PGBD5: variants seen among roughly 807,000 people sequenced by gnomAD.
The protein encoded by PGBD5 is piggyBac transposable element derived 5, also known as piggyBac transposable element-derived protein 5.
In PGBD5, 14 loss-of-function variants were observed where a neutral mutation model predicts 47.9. That is an observed-to-expected ratio of 0.29 (90% CI 0.19 to 0.46). The LOEUF (loss-of-function observed/expected upper bound fraction) is 0.46. PGBD5 is among the 20% of genes least tolerant of loss of function. The pLI, the probability that PGBD5 is intolerant of heterozygous loss-of-function variation, is 1.00. For missense variants in PGBD5, 635 were observed against 716.0 expected, an observed-to-expected ratio of 0.89 and a Z score of 1.29; for synonymous variants, 316 against 306.3, an observed-to-expected ratio of 1.03 and a Z score of -0.33.
chr1:230,416,752 A>G (rs780260025), intron 1 of PGBD5, among the ~76,000 whole-genome samples: 3 of 152,234 alleles, frequency 2.0e-5, no homozygotes, highest in African/African-American at 4.8e-5. Context: ...GGCCATGCTA[A>G]GGAATCTGGA....
intron 6 of PGBD5, among the ~76,000 whole-genome samples, chr1:230,324,413 T>C (rs1229992684): frequency 2.0e-5 from 3 of 152,164 alleles, no homozygotes; most frequent in Admixed American, 6.5e-5. Context: ...AACAACCTCA[T>C]GGAATTTAGT....
chr1:230,404,925 CA>C (rs57462323), intron 1 of PGBD5, among the ~76,000 whole-genome samples: 797 of 66,172 alleles, frequency 0.012, 8 homozygotes, highest in East Asian at 0.095. Context: ...AACTCCATCT[CA>C]AAAAAAAAAA....
At chr1:230,358,189 C>A (rs1013373060) in intron 1 of PGBD5, among the ~76,000 whole-genome samples, 2 of 152,156 alleles carry the variant, frequency 1.3e-5, no homozygotes, top group Non-Finnish European at 2.9e-5. Context: ...CCTCCCTCCC[C>A]TGCAGACCCC....
intron 1 of PGBD5, among the ~76,000 whole-genome samples, chr1:230,359,048 C>T (rs1295344111): frequency 6.6e-6 from 1 of 151,998 alleles, no homozygotes; most frequent in Non-Finnish European, 1.5e-5. Flanking sequence ...GCTTCTATTG[C>T]ATCTGTATAT....
rs199545872 is a variant in PGBD5, at chr1:230,375,652, C to CTTTT, written c.332-18335_332-18332dup. ...AAGGTCATCTGAGCTTCCTATTTGA[C>CTTTT]TTTTTTTTTTTTTTTTTTTTTTTTT... On this transcript the variant is annotated intron_variant, in intron 1 of 6. Coordinates refer to ENST00000391860, the MANE Select transcript of PGBD5 (RefSeq NM_001258311.2). Among the ~76,000 whole-genome samples, 26 of 105,656 alleles carry CTTTT rather than the reference C, an allele frequency of 2.5e-4. 1 individual carries two copies. The highest frequency in any genetic ancestry group is 7.6e-4 in the African/African-American group (17 of 22,396). 69.3% of individuals were successfully genotyped at this position (105,656 alleles called of 152,430 possible).
rs569976855 is a variant in PGBD5, at chr1:230,315,947, T to C, written c.*7478A>G. ...ATGTGTACACATATATGTATGTGTA[T>C]ACATACATAAGTATATGTGTACACA... On this transcript the variant is annotated 3_prime_UTR_variant, in exon 7 of 7. Transcript: ENST00000391860. 2.2e-3 allele frequency: 272 copies of C among 122,120 alleles called. 36 individuals carry two copies. The highest frequency in any genetic ancestry group is 7.5e-3 in the African/African-American group (247 of 32,928). 7.6% of individuals were successfully genotyped at this position (122,120 alleles called of 1,614,324 possible). A position where few individuals can be genotyped will look rare whatever the true frequency, so the allele number is the denominator to read the frequency against.
At chr1:230,380,693 G>A (rs1656442540) in intron 1 of PGBD5, among the ~76,000 whole-genome samples, 3 of 152,044 alleles carry the variant, frequency 2.0e-5, no homozygotes, top group South Asian at 4.1e-4. Context: ...ACCTGGTGAA[G>A]AGGGAAGCTA....
chr1:230,344,271 G>A (rs1667446623), intron 3 of PGBD5, among the ~76,000 whole-genome samples: 1 of 151,912 alleles, frequency 6.6e-6, no homozygotes, highest in Admixed American at 6.6e-5. Context: ...GGCAACAGAG[G>A]GAGACTCCGT....
chr1:230,336,486 A>C (rs887165840), intron 4 of PGBD5, among the ~76,000 whole-genome samples: 1 of 152,122 alleles, frequency 6.6e-6, no homozygotes, highest in Non-Finnish European at 1.5e-5. Flanking sequence ...AGTGGACCAG[A>C]TCTAAATCCC....
At chr1:230,350,708 G>A (rs1176940842) in intron 3 of PGBD5, among the ~76,000 whole-genome samples, 1 of 152,224 alleles carries the variant, frequency 6.6e-6, no homozygotes, top group Non-Finnish European at 1.5e-5. Flanking sequence ...AGATGGGCTT[G>A]AGTCTGGAGG....
chr1:230,327,219 T>C (rs1467718451), intron 5 of PGBD5, among the ~76,000 whole-genome samples: 2 of 152,064 alleles, frequency 1.3e-5, no homozygotes, highest in African/African-American at 4.8e-5. Context: ...TTTCTGTATT[T>C]TTTTTTTTAA....
intron 5 of PGBD5, among the ~76,000 whole-genome samples, chr1:230,326,529 G>C (rs1164104893): frequency 1.3e-5 from 2 of 152,168 alleles, no homozygotes; most frequent in Non-Finnish European, 1.5e-5. Flanking sequence ...CATGATCATA[G>C]CTCACTGCAG....
At chr1:230,396,243 TCCCTTTTACCCCCACACTCC>T (rs770640456) in intron 1 of PGBD5, among the ~76,000 whole-genome samples, 1,231 of 15,206 alleles carry the variant, frequency 0.081, 40 homozygotes, top group East Asian at 0.33. Context: ...CCCACACTCC[TCCCTTTTACCCCCACACTCC>T]TCCTTTTTAC....
At position 230,356,881 on chromosome 1, in the gene PGBD5, G is replaced by A. The variant is rs1667655241; in HGVS notation, c.759+13C>T. 3 of 1,609,942 alleles carry A rather than the reference G, an allele frequency of 1.9e-6. No homozygotes were observed. Among genetic ancestry groups the A allele is most frequent in the Non-Finnish European group, 2.5e-6 (3 of 1,177,180 alleles). On this transcript the variant is annotated intron_variant, in intron 2 of 6. Coordinates refer to ENST00000391860, the MANE Select transcript of PGBD5 (RefSeq NM_001258311.2). The stretch of plus-strand genomic sequence containing the variant: ...ACACCTGGACAAGCTCTTACGTCCT[G>A]CGTGGGCCTCACCTGGGTTTGGGAA...
intron 1 of PGBD5, among the ~76,000 whole-genome samples, chr1:230,379,457 T>C (rs1224257055): frequency 6.6e-6 from 1 of 152,210 alleles, no homozygotes; most frequent in Non-Finnish European, 1.5e-5. Context: ...ATTATTAGAA[T>C]TAACTTTCAA....
chr1:230,352,102 C>T (rs938984454), intron 2 of PGBD5, among the ~76,000 whole-genome samples: 1 of 151,898 alleles, frequency 6.6e-6, no homozygotes, highest in Non-Finnish European at 1.5e-5. Context: ...TGCCCTAGAT[C>T]GGGGTCAGCA....
chr1:230,369,875 TGA>T (rs201074085), intron 1 of PGBD5, among the ~76,000 whole-genome samples: 1 of 151,658 alleles, frequency 6.6e-6, no homozygotes, highest in Non-Finnish European at 1.5e-5. Flanking sequence ...CACGCCAGGA[TGA>T]GAGAGAGAAA....
intron 1 of PGBD5, among the ~76,000 whole-genome samples, chr1:230,367,633 G>A (rs111247465): frequency 6.6e-6 from 1 of 152,186 alleles, no homozygotes; most frequent in African/African-American, 2.4e-5. Context: ...AGGAGGCTGA[G>A]GCTATAGTGA....
At chr1:230,399,012 T>C (rs1251510807) in intron 1 of PGBD5, among the ~76,000 whole-genome samples, 1 of 151,440 alleles carries the variant, frequency 6.6e-6, no homozygotes, top group Admixed American at 6.6e-5. Flanking sequence ...CAAAATTCAA[T>C]GGCTCTTTCA....
Sources: gnomAD v4.1 joint callset for allele counts (sites outside exome capture counted in the v4.1 genomes callset) on GRCh38, gnomAD v4.1.1 for gene constraint, MANE v1.5 for transcripts, NCBI Gene and HGNC (gene_info 2026-07-23, HGNC 2026-07-21) for gene names.